USPL1: variants seen among roughly 807,000 people sequenced by gnomAD.
USPL1 encodes the protein SUMO-specific isopeptidase USPL1.
USPL1 carries 27 observed loss-of-function variants against 51.5 expected under a neutral mutation model. The observed-to-expected ratio is 0.52, with a 90% CI of 0.39 to 0.72. USPL1 has a LOEUF of 0.72. Ranked by LOEUF, USPL1 falls within the 30% of genes least tolerant of loss-of-function variation. The pLI is 0.00. For missense variants in USPL1, 1,226 were observed against 1,268.0 expected (o/e 0.97, Z 0.50); for synonymous variants, 451 against 459.6 (o/e 0.98, Z 0.24).
intron 3 of USPL1, among the ~76,000 whole-genome samples, chr13:30,623,158 C>T (rs963458982): frequency 1.3e-5 from 2 of 151,942 alleles, no homozygotes; most frequent in Non-Finnish European, 1.5e-5. Context: ...AAGTGCAATT[C>T]GAGCAAAAGC....
intron 3 of USPL1, among the ~76,000 whole-genome samples, chr13:30,630,182 AG>A (rs1367358915): frequency 1.3e-5 from 2 of 152,108 alleles, no homozygotes; most frequent in Non-Finnish European, 2.9e-5. Context: ...TTTAGTGTAG[AG>A]GGTTCTTGAA....
chr13:30,621,181 T>A lies in USPL1; in HGVS notation c.41T>A (p.Ile14Asn). 6.2e-7 allele frequency: 1 copy of A among 1,607,976 alleles called. No homozygotes were observed. Among genetic ancestry groups the A allele is most frequent in the Non-Finnish European group, 8.5e-7 (1 of 1,177,976 alleles). The change falls in exon 2 of 9, where the codon ATT (isoleucine) becomes AAT (asparagine). Residue 14 changes from isoleucine (I) to asparagine (N), a missense_variant. By Grantham distance (149) the Ile-to-Asn change is moderately radical. Transcript: ENST00000255304. ...AAGATTGGAAATGGTTTGCCAGTGA[T>A]TGGACCAGGGACTGATATAGGGATA... ...SPKIGNGLPVIGPGTDIGISS... is the reference protein window; with the variant it reads ...SPKIGNGLPVNGPGTDIGISS...
chr13:30,658,963 G>C lies in USPL1; in HGVS notation c.2886G>C (p.Leu962=), dbSNP rs2137738723. ...SACTTVPGVS[L]YSSQTHEEIL... ...GCACCACTGTTCCTGGTGTTTCCCTGTACAGTAGTCAAACTCATGAAGAAA... is the reference window on the plus strand; with the variant it reads ...GCACCACTGTTCCTGGTGTTTCCCTCTACAGTAGTCAAACTCATGAAGAAA... The change falls in exon 9 of 9, where the codon CTG becomes CTC. Residue 962 remains leucine, a synonymous_variant. Transcript: ENST00000255304. 1 of 1,614,178 alleles carries C rather than the reference G, an allele frequency of 6.2e-7. No individual in the cohort carries two copies.
intron 5 of USPL1, among the ~76,000 whole-genome samples, chr13:30,642,087 A>G (rs930823296): frequency 6.6e-6 from 1 of 151,862 alleles, no homozygotes; most frequent in African/African-American, 2.4e-5. Context: ...ATTTCATTTT[A>G]TTTTTTGTAG....
intron 6 of USPL1, among the ~76,000 whole-genome samples, chr13:30,644,390 G>C (rs1364908052): frequency 6.8e-6 from 1 of 147,602 alleles, no homozygotes; most frequent in Non-Finnish European, 1.5e-5. Context: ...GGATGCTCCA[G>C]GGAATGCAGG....
At chr13:30,637,590 A>G (rs1950892759) in intron 4 of USPL1, among the ~76,000 whole-genome samples, 154 bp from the exon 5 acceptor site, 2 of 152,248 alleles carry the variant, frequency 1.3e-5, no homozygotes, top group African/African-American at 4.8e-5. Context: ...AATATATGGT[A>G]TACCACAGAG....
rs1023250332 is a variant in USPL1, at chr13:30,658,284, C to T, written c.2207C>T (p.Thr736Ile). Residue 736 changes from threonine (T) to isoleucine (I), a missense_variant, in exon 9 of 9, where the codon ACC becomes ATC. By Grantham distance (89) the Thr-to-Ile change is moderately conservative. Coordinates refer to ENST00000255304, the MANE Select transcript of USPL1 (RefSeq NM_005800.5). Reference sequence around the variant, plus strand: ...AAAGAAACTACAGCAGATTCTCAAACCACAACATCTAAGTCATTACAGAAT... The same window carrying T: ...AAAGAAACTACAGCAGATTCTCAAATCACAACATCTAAGTCATTACAGAAT... ...KKKETTADSQTTTSKSLQNQS... is the reference protein window; with the variant it reads ...KKKETTADSQITTSKSLQNQS... The T allele has an allele frequency of 5.0e-6, 8 of 1,613,664 alleles. No homozygotes were observed. Among genetic ancestry groups the T allele is most frequent in the Non-Finnish European group, 6.8e-6 (8 of 1,179,998 alleles).
At position 30,637,877 on chromosome 13, in the gene USPL1, T is replaced by C; in HGVS notation, c.982+20T>C. 1 of 1,537,154 alleles carries C rather than the reference T, an allele frequency of 6.5e-7. No individual in the cohort carries two copies. Among genetic ancestry groups the C allele is most frequent in the Non-Finnish European group, 9.0e-7 (1 of 1,111,052 alleles). ...CATTAGGTAAGTAATTGGTAAAACT[T>C]ACTTGTATTATACTCATCTACCATA... On this transcript the variant is annotated intron_variant, in intron 5 of 8. Coordinates refer to ENST00000255304, the MANE Select transcript of USPL1 (RefSeq NM_005800.5).
intron 4 of USPL1, among the ~76,000 whole-genome samples, chr13:30,633,784 CAAAAAAA>C (rs61682331): frequency 3.6e-4 from 15 of 41,274 alleles, no homozygotes; most frequent in South Asian, 8.0e-4. Flanking sequence ...GACTCTGTCT[CAAAAAAA>C]AAAAAAAAAA....
Position 30,631,362 on chromosome 13 carries a change from G to C in USPL1, c.756G>C (p.Lys252Asn), listed in dbSNP as rs1245438887. The change falls in exon 4 of 9, where the codon AAG becomes AAC. Residue 252 changes from lysine (K) to asparagine (N), a missense_variant. By Grantham distance (94) the Lys-to-Asn change is moderately conservative. Coordinates refer to ENST00000255304, the MANE Select transcript of USPL1 (RefSeq NM_005800.5). ...LSALVHSEEL[K>N]NTVTGLCSKE... ...CTTTGGTGCACTCGGAAGAGTTAAAGAACACCGTGACTGGACTGTGCTCGA... is the reference window on the plus strand; with the variant it reads ...CTTTGGTGCACTCGGAAGAGTTAAACAACACCGTGACTGGACTGTGCTCGA... 6.2e-7 allele frequency: 1 copy of C among 1,614,218 alleles called. No homozygotes were observed. The highest frequency in any genetic ancestry group is 2.2e-5 in the East Asian group (1 of 44,890).
intron 5 of USPL1, 40 bp downstream of exon 5, chr13:30,637,897 A>G (rs1950897295): frequency 1.4e-6 from 2 of 1,391,018 alleles, no homozygotes; most frequent in Admixed American, 1.7e-5. Flanking sequence ...ATACTCATCT[A>G]CCATATAGAA....
chr13:30,636,954 T>G (rs1269611608), intron 4 of USPL1, among the ~76,000 whole-genome samples: 1 of 152,234 alleles, frequency 6.6e-6, no homozygotes, highest in African/African-American at 2.4e-5. Flanking sequence ...GTTTTGTTTT[T>G]GTTTTTGTTT....
At chr13:30,630,131 C>T (rs1950781522) in intron 3 of USPL1, among the ~76,000 whole-genome samples, 1 of 152,102 alleles carries the variant, frequency 6.6e-6, no homozygotes, top group Non-Finnish European at 1.5e-5. Flanking sequence ...AGTGTACTGC[C>T]ATGCCCACCT....
intron 4 of USPL1, among the ~76,000 whole-genome samples, chr13:30,634,463 G>T (rs1235860276): frequency 1.3e-5 from 2 of 152,172 alleles, no homozygotes; most frequent in East Asian, 3.8e-4. Flanking sequence ...GGACCACTTC[G>T]TATTGCCTAA....
intron 1 of USPL1, among the ~76,000 whole-genome samples, chr13:30,619,162 G>C (rs77313662): frequency 6.6e-6 from 1 of 152,300 alleles, no homozygotes; most frequent in East Asian, 1.9e-4. Flanking sequence ...CAGTTACTTA[G>C]GGTCAAATTA....
At chr13:30,641,866 T>C (rs1456033893) in intron 5 of USPL1, among the ~76,000 whole-genome samples, 1 of 152,158 alleles carries the variant, frequency 6.6e-6, no homozygotes, top group Admixed American at 6.5e-5. Context: ...AGTGTTTCAC[T>C]GATTACATTT....
intron 5 of USPL1, among the ~76,000 whole-genome samples, chr13:30,640,262 A>G (rs1474681941): frequency 1.3e-5 from 2 of 152,246 alleles, no homozygotes. Flanking sequence ...TATAGTTACA[A>G]TAGAATACGG....
chr13:30,631,175 C>T lies in USPL1; in HGVS notation c.569C>T (p.Thr190Ile). 6.2e-7 allele frequency: 1 copy of T among 1,614,148 alleles called. No individual in the cohort carries two copies. The highest frequency in any genetic ancestry group is 8.5e-7 in the Non-Finnish European group (1 of 1,180,020). Residue 190 changes from threonine to isoleucine, a missense_variant, in exon 4 of 9, where the codon ACA becomes ATA. Physicochemically the swap from Thr to Ile is moderately conservative, Grantham distance 89 (BLOSUM62 -1). Transcript: ENST00000255304. The stretch of plus-strand genomic sequence containing the variant: ...ATGGCTACTACAAAAGATCCTGCTA[C>T]AGTTGATGTCTCTGGAACTGGCAGA... ...VDMATTKDPA[T>I]VDVSGTGRPS... is the part of the protein sequence containing the mutation.
At position 30,660,054 on chromosome 13, in the gene USPL1, T is replaced by G. The variant is rs1951236726; in HGVS notation, c.*698T>G. On this transcript the variant is annotated 3_prime_UTR_variant, in exon 9 of 9. Coordinates refer to ENST00000255304, the MANE Select transcript of USPL1 (RefSeq NM_005800.5). ...AGACGGGGCCCTGGAGAGGATAGCT[T>G]CTATCCATAGGCAGGTTGTTCTGCC... 1 of 152,252 alleles carries G rather than the reference T, an allele frequency of 6.6e-6. No homozygotes were observed. The highest frequency in any genetic ancestry group is 1.5e-5 in the Non-Finnish European group (1 of 68,100). 9.4% of individuals were successfully genotyped at this position (152,252 alleles called of 1,614,324 possible).
Sources: gnomAD v4.1 joint callset for allele counts (sites outside exome capture counted in the v4.1 genomes callset) on GRCh38, gnomAD v4.1.1 for gene constraint, MANE v1.5 for transcripts, NCBI Gene and HGNC (gene_info 2026-07-23, HGNC 2026-07-21) for gene names.